The following NRG1 variants were observed in gnomAD, a reference collection of about 807,000 sequenced individuals.
NRG1 encodes the protein neuregulin 1.
NRG1 carries 18 observed loss-of-function variants against 63.8 expected under a neutral mutation model. That is an observed-to-expected ratio of 0.28 (90% confidence interval 0.19 to 0.42). The LOEUF (loss-of-function observed/expected upper bound fraction) is 0.42, where lower values mean the gene tolerates loss of function less well. Ranked by LOEUF, NRG1 falls within the 10% of genes least tolerant of loss-of-function variation. NRG1 has a pLI of 1.00. For missense variants in NRG1, 762 were observed against 814.7 expected, an observed-to-expected ratio of 0.94 and a Z score of 0.79; for synonymous variants, 302 against 301.3, an observed-to-expected ratio of 1.00 and a Z score of -0.02.
intron 1 of NRG1, among the ~76,000 whole-genome samples, chr8:31,915,341 C>T (rs1833292015): frequency 1.3e-5 from 2 of 152,102 alleles, no homozygotes; most frequent in South Asian, 4.1e-4. Context: ...GCTGACAGAA[C>T]TATATAAAAT....
chr8:32,426,517 G>C (rs1429530077), intron 1 of NRG1, among the ~76,000 whole-genome samples: 3 of 152,128 alleles, frequency 2.0e-5, no homozygotes, highest in Non-Finnish European at 4.4e-5. Context: ...TAAAACAAAA[G>C]AACTTCAGGT....
At chr8:32,629,556 C>T (rs1415383658) in intron 5 of NRG1, among the ~76,000 whole-genome samples, 1 of 152,090 alleles carries the variant, frequency 6.6e-6, no homozygotes, top group East Asian at 1.9e-4. Flanking sequence ...ATCATGGGCA[C>T]AGATATTTAA....
At chr8:31,944,213 CT>C (rs1435385209) in intron 1 of NRG1, among the ~76,000 whole-genome samples, 1 of 152,094 alleles carries the variant, frequency 6.6e-6, no homozygotes, top group Admixed American at 6.5e-5. Context: ...CTAGATAGAT[CT>C]TGTCTAACCC....
At chr8:32,666,516 TG>T (rs1451487077) in intron 5 of NRG1, among the ~76,000 whole-genome samples, 1 of 152,230 alleles carries the variant, frequency 6.6e-6, no homozygotes, top group South Asian at 2.1e-4. Context: ...CGTGGTTCCC[TG>T]GCCCTATTGT....
intron 1 of NRG1, among the ~76,000 whole-genome samples, chr8:31,810,304 C>A (rs1471500381): frequency 6.6e-6 from 1 of 152,090 alleles, no homozygotes; most frequent in African/African-American, 2.4e-5. Context: ...TCAGCGGCCT[C>A]AGAGAAATGT....
rs1007732198 is a variant in NRG1, at chr8:32,730,078, C to G, written c.632+2000C>G. On this transcript the variant is annotated intron_variant, in intron 6 of 11. Transcript: ENST00000356819. Reference sequence around the variant, plus strand: ...AATTCTAATCTCAATTACTAAACATCTCTTTCACGGAAATAAATAATTTTT... The same window carrying G: ...AATTCTAATCTCAATTACTAAACATGTCTTTCACGGAAATAAATAATTTTT... Among the ~76,000 whole-genome samples, 176 of 152,164 alleles carry G rather than the reference C, an allele frequency of 1.2e-3. 2 individuals are homozygous for G. Among genetic ancestry groups the G allele is most frequent in the Non-Finnish European group, 6.6e-4 (45 of 68,022 alleles).
intron 1 of NRG1, among the ~76,000 whole-genome samples, chr8:32,163,168 T>A (rs1481745): frequency 0.7 from 106,601 of 151,894 alleles, 38,003 homozygotes; most frequent in Admixed American, 0.75. Flanking sequence ...CCAGGCAGAG[T>A]GGTCCTCAGC....
intron 1 of NRG1, among the ~76,000 whole-genome samples, chr8:31,695,586 C>T (rs1321575919): frequency 2.0e-5 from 3 of 152,308 alleles, no homozygotes; most frequent in Non-Finnish European, 4.4e-5. Flanking sequence ...AGATCCCTGT[C>T]CCAACATTGG....
At chr8:32,490,570 T>C (rs1169865133) in intron 1 of NRG1, among the ~76,000 whole-genome samples, 1 of 152,132 alleles carries the variant, frequency 6.6e-6, no homozygotes. Context: ...ATTGGTATCA[T>C]TGGTATTAAA....
intron 1 of NRG1, among the ~76,000 whole-genome samples, chr8:32,365,916 A>T (rs542246520): frequency 4.6e-5 from 7 of 152,298 alleles, no homozygotes; most frequent in South Asian, 2.1e-4. Context: ...TTTTATAGGT[A>T]GGTCTTGTAC....
At chr8:32,540,869 TCCATAAGAA>T (rs1832507284) in intron 1 of NRG1, among the ~76,000 whole-genome samples, 1 of 151,692 alleles carries the variant, frequency 6.6e-6, no homozygotes, top group Non-Finnish European at 1.5e-5. Flanking sequence ...AACAACATTT[TCCATAAGAA>T]TGTAATCTTC....
intron 1 of NRG1, among the ~76,000 whole-genome samples, chr8:32,177,909 C>T (rs1421040192): frequency 6.6e-6 from 1 of 151,966 alleles, no homozygotes; most frequent in Non-Finnish European, 1.5e-5. Context: ...GCAACACTTG[C>T]AAAAGGACTT....
At chr8:32,761,076 G>T in intron 11 of NRG1, 1 of 817,142 alleles carries the variant, frequency 1.2e-6, no homozygotes, top group Non-Finnish European at 1.5e-6. Flanking sequence ...CTTTCCTTTG[G>T]GGAGATTGGG....
At chr8:32,090,309 A>G (rs1447743380) in intron 1 of NRG1, among the ~76,000 whole-genome samples, 2 of 152,232 alleles carry the variant, frequency 1.3e-5, no homozygotes, top group Admixed American at 6.5e-5. Flanking sequence ...CTAGCTGAAA[A>G]TACATTGAAT....
chr8:32,388,062 G>T (rs765812793), intron 1 of NRG1, among the ~76,000 whole-genome samples: 1 of 152,168 alleles, frequency 6.6e-6, no homozygotes, highest in Non-Finnish European at 1.5e-5. Context: ...TAGTCAATGA[G>T]CAACATGAAA....
intron 1 of NRG1, among the ~76,000 whole-genome samples, chr8:32,217,233 AAAAAAAAAAAAT>A (rs1314148211): frequency 2.8e-5 from 4 of 141,612 alleles, no homozygotes; most frequent in African/African-American, 1.1e-4. Flanking sequence ...AAAAAAAAAA[AAAAAAAAAAAAT>A]ACTTGGTGCA....
intron 1 of NRG1, among the ~76,000 whole-genome samples, chr8:31,936,324 G>T (rs1162420213): frequency 6.6e-6 from 1 of 152,124 alleles, no homozygotes; most frequent in African/African-American, 2.4e-5. Flanking sequence ...TAAGTTTTTT[G>T]TTGTAAAATA....
intron 1 of NRG1, among the ~76,000 whole-genome samples, chr8:32,536,922 CAAAAAAA>C (rs35265022): frequency 5.6e-5 from 2 of 35,914 alleles, no homozygotes; most frequent in Non-Finnish European, 8.5e-5. Context: ...GACTCCGTCT[CAAAAAAA>C]AAAAAAAAAA....
chr8:32,079,177 A>ACG (rs1156295754), intron 1 of NRG1, among the ~76,000 whole-genome samples: 2 of 151,740 alleles, frequency 1.3e-5, no homozygotes, highest in African/African-American at 2.4e-5. Context: ...ACACACACAC[A>ACG]CACATACACG....
Sources: allele counts gnomAD v4.1 joint callset (sites outside exome capture counted in the v4.1 genomes callset), GRCh38; gene constraint gnomAD v4.1.1; transcripts MANE v1.5; gene names NCBI Gene and HGNC (gene_info 2026-07-23, HGNC 2026-07-21).